The following RAB4B variants were observed in gnomAD, a reference collection of about 807,000 sequenced individuals.
RAB4B encodes ras-related protein Rab-4B.
RAB4B carries 15 observed loss-of-function variants against 28.3 expected under a neutral mutation model. The observed-to-expected ratio is 0.53, with a 90% confidence interval of 0.35 to 0.82. The LOEUF (loss-of-function observed/expected upper bound fraction) is 0.82, where lower values mean the gene tolerates loss of function less well. RAB4B is among the 40% of genes least tolerant of loss of function. RAB4B has a pLI of 0.01. For missense variants in RAB4B, 244 were observed against 288.5 expected, an observed-to-expected ratio of 0.85 and a Z score of 1.12; for synonymous variants, 108 against 116.3, an observed-to-expected ratio of 0.93 and a Z score of 0.46.
At chr19:40,781,414 G>A (rs2145039409) in intron 3 of RAB4B, among the ~76,000 whole-genome samples, 2 of 152,226 alleles carry the variant, frequency 1.3e-5, no homozygotes, top group Middle Eastern at 6.8e-3. Flanking sequence ...TCAGACAGGT[G>A]TAGTTGGACG....
At chr19:40,790,800 G>GC (rs1423906462) in intron 7 of RAB4B, among the ~76,000 whole-genome samples, 2 of 151,042 alleles carry the variant, frequency 1.3e-5, no homozygotes, top group African/African-American at 2.4e-5. Context: ...TCCTGCCTCA[G>GC]CCTCCCAAGT....
At chr19:40,783,055 T>C (rs1187369122) in intron 3 of RAB4B, among the ~76,000 whole-genome samples, 1 of 146,334 alleles carries the variant, frequency 6.8e-6, no homozygotes, top group East Asian at 2.0e-4. Context: ...GGAGAATCAC[T>C]TGAACCCGGG....
intron 7 of RAB4B, among the ~76,000 whole-genome samples, chr19:40,788,472 C>T (rs1209231980): frequency 1.7e-5 from 2 of 115,554 alleles, no homozygotes. Flanking sequence ...GGTGACAGAG[C>T]GAGACTCTTA....
chr19:40,790,664 CTTT>C lies in RAB4B; in HGVS notation c.*15+3705_*15+3707del, dbSNP rs34206561. 8.0e-3 allele frequency among the ~76,000 whole-genome samples: 892 copies of C among 111,472 alleles called. 7 individuals carry two copies. Among genetic ancestry groups the C allele is most frequent in the African/African-American group, 0.025 (733 of 29,496 alleles). The allele number at this position is 111,472 out of a possible 152,430, so 73.1% of individuals were successfully genotyped here. Reference sequence around the variant, plus strand: ...CTGGGATTACAGGCATGAGCCTTTCCTTTTTTTTTTTTTTTTTTTTTAATTTTA... The same window carrying C: ...CTGGGATTACAGGCATGAGCCTTTCCTTTTTTTTTTTTTTTTTTAATTTTA... On this transcript the variant is annotated intron_variant, in intron 7 of 7. Coordinates refer to ENST00000357052, the MANE Select transcript of RAB4B (RefSeq NM_016154.5).
intron 1 of RAB4B, chr19:40,779,642 C>G (rs1269645329): frequency 8.8e-6 from 2 of 227,614 alleles, no homozygotes; most frequent in Non-Finnish European, 1.8e-5. Context: ...ACTCGGGAGG[C>G]TGAGGCAGGA....
In RAB4B at chr19:40,786,688, G is replaced by A. The variant is rs757049679; in HGVS notation, c.454G>A (p.Ala152Thr). The change falls in exon 6 of 8, where the codon GCT (alanine) becomes ACT (threonine). Residue 152 changes from alanine to threonine, a missense_variant. Transcript: ENST00000357052. The stretch of plus-strand genomic sequence containing the variant: ...AGAGCTGATGTTCCTGGAGACCAGC[G>A]CTCTCACAGGCGAGAACGTGGAGGA... ...ENELMFLETS[A>T]LTGENVEEAF... The A allele has an allele frequency of 6.2e-6, 10 of 1,613,900 alleles. No homozygotes were observed. Among genetic ancestry groups the A allele is most frequent in the East Asian group, 2.2e-5 (1 of 44,882 alleles).
At chr19:40,782,038 A>AC (rs1555777276) in intron 3 of RAB4B, among the ~76,000 whole-genome samples, 1 of 143,606 alleles carries the variant, frequency 7.0e-6, no homozygotes, top group African/African-American at 2.5e-5. Context: ...AAAAAAAAAA[A>AC]ACCTTAGGAG....
At chr19:40,779,904 G>A (rs900041373) in intron 1 of RAB4B, 115 bp from the exon 2 acceptor site, 2 of 1,586,248 alleles carry the variant, frequency 1.3e-6, no homozygotes, top group Admixed American at 1.8e-5. Context: ...GCCTATGTCT[G>A]TTTCTCTCCC....
At chr19:40,784,519 C>T (rs1273872851) in intron 5 of RAB4B, among the ~76,000 whole-genome samples, 1 of 152,058 alleles carries the variant, frequency 6.6e-6, no homozygotes, top group African/African-American at 2.4e-5. Context: ...AACAAAACAA[C>T]AACAAAACTA....
chr19:40,787,530 T>C (rs2083112121), intron 7 of RAB4B, among the ~76,000 whole-genome samples: 1 of 144,396 alleles, frequency 6.9e-6, no homozygotes, highest in Non-Finnish European at 1.5e-5. Flanking sequence ...AGCAAGACTT[T>C]GTCTCAAAAA....
intron 3 of RAB4B, 33 bp downstream of exon 3, chr19:40,780,532 A>G (rs1452356655): frequency 6.5e-7 from 1 of 1,546,694 alleles, no homozygotes; most frequent in Non-Finnish European, 8.9e-7. Context: ...GGTGATGGGG[A>G]GAGAGAGTGA....
rs772810720 is a variant in RAB4B at position 40,780,430 on chromosome 19, G to A, written c.143G>A (p.Arg48Gln). 9 of 1,613,386 alleles carry A rather than the reference G, an allele frequency of 5.6e-6. No homozygotes were observed. The highest frequency in any genetic ancestry group is 3.3e-5 in the Admixed American group (2 of 59,870). ...ACAATCGGCGTGGAGTTTGGATCCC[G>A]GGTGGTCAACGTGGGTGGGAAGACT... ...NHTIGVEFGS[R>Q]VVNVGGKTVK... The change falls in exon 3 of 8, where the codon CGG becomes CAG. Residue 48 changes from arginine (R) to glutamine (Q), a missense_variant. Coordinates refer to ENST00000357052, the MANE Select transcript of RAB4B (RefSeq NM_016154.5).
intron 7 of RAB4B, among the ~76,000 whole-genome samples, chr19:40,794,072 AATTATT>A (rs901294763): frequency 4.6e-5 from 7 of 151,210 alleles, no homozygotes; most frequent in Non-Finnish European, 1.0e-4. Flanking sequence ...TATCTTTTTA[AATTATT>A]ATTATTATTT....
At chr19:40,778,922 A>G in intron 1 of RAB4B, 1 of 984,034 alleles carries the variant, frequency 1.0e-6, no homozygotes, top group Non-Finnish European at 1.2e-6. Context: ...GAGGTCGGGA[A>G]GTGGAAAATC....
chr19:40,790,876 G>T (rs59432972), intron 7 of RAB4B, among the ~76,000 whole-genome samples: 3 of 136,348 alleles, frequency 2.2e-5, no homozygotes, highest in Non-Finnish European at 4.7e-5. Context: ...TTTTTTTGGA[G>T]ATGGAGTCTC....
chr19:40,781,319 T>TA (rs1363418686), intron 3 of RAB4B, among the ~76,000 whole-genome samples: 1 of 147,548 alleles, frequency 6.8e-6, no homozygotes, highest in East Asian at 2.0e-4. Flanking sequence ...AATGAATAAA[T>TA]AAATAAATAA....
At chr19:40,784,101 G>A (rs1232896354) in intron 5 of RAB4B, 26 bp downstream of exon 5, 1 of 1,584,316 alleles carries the variant, frequency 6.3e-7, no homozygotes, top group South Asian at 1.1e-5. Flanking sequence ...TGGACCAGGT[G>A]GTGGTGGGGG....
At chr19:40,794,432 G>A (rs1031808835) in intron 7 of RAB4B, 5 of 151,554 alleles carry the variant, frequency 3.3e-5, no homozygotes, top group African/African-American at 4.9e-5. Context: ...TGGTGTCTAT[G>A]TTGCCCAGGC....
rs1438375660 is a variant in RAB4B, at chr19:40,783,767, T to C, written c.213-11T>C. On this transcript the variant is annotated splice_polypyrimidine_tract_variant and intron_variant, in intron 3 of 7. Transcript: ENST00000357052. ...AGCCTTGGGGGTGACTGGGTCCCCCTGGCCCCACAGGTCAGTGACGCGGAG... is the reference window on the plus strand; with the variant it reads ...AGCCTTGGGGGTGACTGGGTCCCCCCGGCCCCACAGGTCAGTGACGCGGAG... 4 of 1,443,162 alleles carry C rather than the reference T, an allele frequency of 2.8e-6. No individual in the cohort carries two copies. The highest frequency in any genetic ancestry group is 3.7e-6 in the Non-Finnish European group (4 of 1,080,306). 89.4% of individuals were successfully genotyped at this position (1,443,162 alleles called of 1,614,324 possible). A position where few individuals can be genotyped will look rare whatever the true frequency, so the allele number is the denominator to read the frequency against.
Sources: allele counts gnomAD v4.1 joint callset (sites outside exome capture counted in the v4.1 genomes callset), GRCh38; gene constraint gnomAD v4.1.1; transcripts MANE v1.5; gene names NCBI Gene and HGNC (gene_info 2026-07-23, HGNC 2026-07-21).